The following IRAK1BP1 variants were observed in gnomAD, a reference collection of about 807,000 sequenced individuals.
The protein encoded by IRAK1BP1 is interleukin 1 receptor associated kinase 1 binding protein 1.
In IRAK1BP1, 24 loss-of-function variants were observed where a neutral mutation model predicts 28.0. That is an observed-to-expected ratio of 0.86 (90% confidence interval 0.62 to 1.20). The LOEUF (loss-of-function observed/expected upper bound fraction) is 1.20, where lower values mean the gene tolerates loss of function less well. Ranked by LOEUF, IRAK1BP1 falls within the 50% of genes most tolerant of loss-of-function variation. The probability of loss-of-function intolerance (pLI) is 0.00; values close to 1 mark genes in which losing one functional copy is unlikely to be tolerated. For synonymous variants in IRAK1BP1, 131 were observed against 116.3 expected (o/e 1.13, Z -0.81); for missense variants, 336 against 316.7 (o/e 1.06, Z -0.46).
chr6:78,962,586 A>C, the IRAK1BP1 span, among the ~76,000 whole-genome samples: 77 of 152,208 alleles, frequency 5.1e-4, 2 homozygotes, highest in South Asian at 0.015. Flanking sequence ...ACCACCACAT[A>C]ATCTAGTTAC....
At chr6:78,917,027 T>C (rs948992862) in intron 4 of IRAK1BP1, among the ~76,000 whole-genome samples, 60 of 152,158 alleles carry the variant, frequency 3.9e-4, no homozygotes, top group African/African-American at 1.4e-3. Context: ...CTGAATGTAG[T>C]GATACCACCA....
At chr6:78,911,660 A>T (rs1256610195) in intron 4 of IRAK1BP1, among the ~76,000 whole-genome samples, 5 of 152,294 alleles carry the variant, frequency 3.3e-5, no homozygotes, top group Admixed American at 3.3e-4. Context: ...TGTAGTCAAG[A>T]TCACTACTGT....
intron 4 of IRAK1BP1, chr6:78,940,164 T>C (rs577916194): frequency 5.3e-5 from 8 of 152,228 alleles, no homozygotes; most frequent in African/African-American, 1.2e-4. Flanking sequence ...GTTTAGGGTA[T>C]CAAATGGTGG....
At chr6:78,950,614 A>G (rs1265650100), downstream of IRAK1BP1, among the ~76,000 whole-genome samples, 2 of 152,158 alleles carry the variant, frequency 1.3e-5, no homozygotes, top group East Asian at 1.9e-4. Context: ...TCAAATTTAT[A>G]TATGTAGAAT....
chr6:78,925,971 C>T (rs9359358), intron 4 of IRAK1BP1, among the ~76,000 whole-genome samples: 137,566 of 152,156 alleles, frequency 0.9, 62,221 homozygotes, highest in African/African-American at 0.93. Flanking sequence ...TTCTTATAAG[C>T]GGAAAATAAG....
Position 78,869,156 on chromosome 6 carries a change from G to C in IRAK1BP1, c.315+1265G>C, listed in dbSNP as rs146994034. ...AAAAACTGCTACTAGTGCTGTAGTC[G>C]TTTGAATAATGTTAACAAGTTTTTA... On this transcript the variant is annotated intron_variant, in intron 1 of 3. Coordinates refer to ENST00000369940, the MANE Select transcript of IRAK1BP1 (RefSeq NM_001010844.4). 2.8e-3 allele frequency among the ~76,000 whole-genome samples: 423 copies of C among 152,282 alleles called. 2 individuals carry two copies. The highest frequency in any genetic ancestry group is 9.9e-3 in the African/African-American group (413 of 41,546).
chr6:78,966,094 G>C, the IRAK1BP1 span: 24 of 1,226,922 alleles, frequency 2.0e-5, no homozygotes, highest in Admixed American at 2.9e-4. Context: ...ATTCTGAAAT[G>C]CATGGCTGCT....
intron 4 of IRAK1BP1, among the ~76,000 whole-genome samples, chr6:78,910,351 C>T (rs1374942179): frequency 1.3e-5 from 2 of 152,272 alleles, no homozygotes; most frequent in South Asian, 4.1e-4. Flanking sequence ...GTCTGTGTGT[C>T]CACCATAGTC....
At chr6:78,955,150 G>T in the IRAK1BP1 span, 1 of 1,005,648 alleles carries the variant, frequency 9.9e-7, no homozygotes, top group Non-Finnish European at 1.5e-6. Context: ...CTTTTAAAAT[G>T]CTAAGAGTAA....
At chr6:78,879,665 A>G (rs1243482377) in intron 1 of IRAK1BP1, among the ~76,000 whole-genome samples, 1 of 152,232 alleles carries the variant, frequency 6.6e-6, no homozygotes, top group Admixed American at 6.5e-5. Context: ...AGAGTCACCA[A>G]GAAAACACAA....
intron 1 of IRAK1BP1, among the ~76,000 whole-genome samples, chr6:78,875,163 A>G (rs1207589546): frequency 5.3e-5 from 8 of 152,250 alleles, no homozygotes; most frequent in Non-Finnish European, 1.0e-4. Flanking sequence ...GGAAAGATGC[A>G]AATCAAAACC....
chr6:78,876,710 G>T (rs1023408966), intron 1 of IRAK1BP1, among the ~76,000 whole-genome samples: 1 of 152,104 alleles, frequency 6.6e-6, no homozygotes, highest in Non-Finnish European at 1.5e-5. Flanking sequence ...TTTAAAACTG[G>T]CAGGTCCATG....
chr6:78,978,377 A>C, the IRAK1BP1 span, among the ~76,000 whole-genome samples: 9 of 152,026 alleles, frequency 5.9e-5, no homozygotes, highest in Admixed American at 2.0e-4. Flanking sequence ...CACTAACAAA[A>C]TTTTCATTCT....
chr6:78,907,097 A>G (rs1772281446), downstream of IRAK1BP1, among the ~76,000 whole-genome samples: 1 of 152,220 alleles, frequency 6.6e-6, no homozygotes, highest in Non-Finnish European at 1.5e-5. Flanking sequence ...ACAACTCCAC[A>G]GTGATGTCTT....
the IRAK1BP1 span, among the ~76,000 whole-genome samples, chr6:78,966,467 C>A: frequency 6.6e-6 from 1 of 152,142 alleles, no homozygotes; most frequent in Non-Finnish European, 1.5e-5. Context: ...GTTTCCCCAA[C>A]CAACAATCAA....
chr6:78,873,656 A>G (rs760919407), intron 1 of IRAK1BP1, among the ~76,000 whole-genome samples: 19 of 151,932 alleles, frequency 1.3e-4, no homozygotes, highest in Admixed American at 2.6e-4. Context: ...TTTTTTATAG[A>G]GACGGGGTCT....
intron 2 of IRAK1BP1, among the ~76,000 whole-genome samples, chr6:78,897,292 T>A (rs1771921876): frequency 6.6e-6 from 1 of 150,858 alleles, no homozygotes; most frequent in South Asian, 2.1e-4. Context: ...AAGGTTTAGT[T>A]CCCTTCATTG....
chr6:78,963,102 G>A, the IRAK1BP1 span: 4 of 1,595,066 alleles, frequency 2.5e-6, no homozygotes, highest in East Asian at 6.8e-5. Flanking sequence ...CTTACCTAGT[G>A]TCATCAACTG....
At chr6:78,903,974 G>T (rs1772192044), downstream of IRAK1BP1, among the ~76,000 whole-genome samples, 1 of 152,078 alleles carries the variant, frequency 6.6e-6, no homozygotes, top group Non-Finnish European at 1.5e-5. Context: ...GTAGGGCTAT[G>T]CTTGAAACAG....
Sources: gnomAD v4.1 joint callset for allele counts (sites outside exome capture counted in the v4.1 genomes callset) on GRCh38, gnomAD v4.1.1 for gene constraint, MANE v1.5 for transcripts, NCBI Gene and HGNC (gene_info 2026-07-23, HGNC 2026-07-21) for gene names.